Variants in DRC11 observed in about 807,000 individuals in gnomAD.
The protein encoded by DRC11 is IQ and AAA domain-containing protein 1.
the DRC11 span, chr2:236,331,831 C>A: frequency 2.0e-6 from 1 of 499,882 alleles, no homozygotes; most frequent in South Asian, 3.0e-5. This position sits in a 1 kb window ranked among gnomAD's most constrained non-coding sequence, Gnocchi z 4.8. Context: ...CCACAAGTGC[C>A]CTGCAAATTA....
At chr2:236,392,027 A>T in the DRC11 span, 3 of 1,613,836 alleles carry the variant, frequency 1.9e-6, no homozygotes, top group East Asian at 6.7e-5. This position sits in a 1 kb window ranked among gnomAD's most constrained non-coding sequence, Gnocchi z 5.1. Flanking sequence ...CTCTGTCCAC[A>T]GCTAGCTTTA....
At chr2:236,328,185 C>G in the DRC11 span, among the ~76,000 whole-genome samples, 1,721 of 152,130 alleles carry the variant, frequency 0.011, 41 homozygotes, top group African/African-American at 0.04. This position sits in a 1 kb window ranked among gnomAD's most constrained non-coding sequence, Gnocchi z 6.7. Context: ...TTATTATGAA[C>G]TCATCTTTAG....
At chr2:236,366,131 T>G in the DRC11 span, among the ~76,000 whole-genome samples, 4 of 152,146 alleles carry the variant, frequency 2.6e-5, no homozygotes, top group Non-Finnish European at 5.9e-5. Flanking sequence ...CACCCTTCAC[T>G]TCTCCCTGAT....
the DRC11 span, among the ~76,000 whole-genome samples, chr2:236,470,533 TCA>T: frequency 1.3e-5 from 2 of 152,174 alleles, no homozygotes; most frequent in Non-Finnish European, 2.9e-5. The surrounding 1 kb of genome is among the most constrained non-coding windows in gnomAD (Gnocchi z 5.1). Flanking sequence ...ATGGAAGACC[TCA>T]CGCTGCGGAA....
chr2:236,443,645 A>G, the DRC11 span, among the ~76,000 whole-genome samples: 2 of 152,242 alleles, frequency 1.3e-5, no homozygotes, highest in African/African-American at 4.8e-5. The surrounding 1 kb of genome is among the most constrained non-coding windows in gnomAD (Gnocchi z 4.4). Flanking sequence ...AGTTGATTCC[A>G]TGTCTTTGCT....
chr2:236,364,706 C>G, the DRC11 span, among the ~76,000 whole-genome samples: 1 of 152,156 alleles, frequency 6.6e-6, no homozygotes, highest in Non-Finnish European at 1.5e-5. Flanking sequence ...CACAAAGCAA[C>G]TAAAAAGTGA....
At chr2:236,363,990 C>G in the DRC11 span, 1 of 1,609,980 alleles carries the variant, frequency 6.2e-7, no homozygotes, top group South Asian at 1.1e-5. The surrounding 1 kb of genome is among the most constrained non-coding windows in gnomAD (Gnocchi z 5.6). Flanking sequence ...CTAAAAAAGG[C>G]AGAGGCAAAG....
the DRC11 span, among the ~76,000 whole-genome samples, chr2:236,318,418 C>T: frequency 7.9e-5 from 12 of 152,148 alleles, no homozygotes; most frequent in Non-Finnish European, 7.4e-5. The surrounding 1 kb of genome is among the most constrained non-coding windows in gnomAD (Gnocchi z 7.0). Flanking sequence ...CGCATGCCTA[C>T]GTGTGCATGC....
chr2:236,396,557 A>G, the DRC11 span, among the ~76,000 whole-genome samples: 9,546 of 152,214 alleles, frequency 0.063, 448 homozygotes, highest in Middle Eastern at 0.13. Flanking sequence ...GACAGTTTTC[A>G]GAGCTTTTGG....
At chr2:236,358,395 TATC>T in the DRC11 span, among the ~76,000 whole-genome samples, 16 of 140,910 alleles carry the variant, frequency 1.1e-4, no homozygotes, top group Admixed American at 2.9e-4. Context: ...GATATATGAA[TATC>T]ATATATAAAT....
chr2:236,431,392 C>T, the DRC11 span, among the ~76,000 whole-genome samples: 1 of 152,088 alleles, frequency 6.6e-6, no homozygotes, highest in African/African-American at 2.4e-5. This position sits in a 1 kb window ranked among gnomAD's most constrained non-coding sequence, Gnocchi z 4.2. Context: ...GAGAGAAGTG[C>T]CGAGCAAAGG....
At chr2:236,373,870 C>G in the DRC11 span, among the ~76,000 whole-genome samples, 1 of 152,186 alleles carries the variant, frequency 6.6e-6, no homozygotes, top group Non-Finnish European at 1.5e-5. Context: ...TCTGGGCCTT[C>G]TCTATGCTTC....
chr2:236,438,722 T>C, the DRC11 span, among the ~76,000 whole-genome samples: 3 of 152,074 alleles, frequency 2.0e-5, no homozygotes, highest in East Asian at 1.9e-4. Context: ...GCGGACCTAA[T>C]AGACATCTAC....
chr2:236,416,040 C>G, the DRC11 span, among the ~76,000 whole-genome samples: 1 of 151,928 alleles, frequency 6.6e-6, no homozygotes, highest in Non-Finnish European at 1.5e-5. Context: ...AACAATAGGG[C>G]CCTAGGTGGT....
chr2:236,362,599 G>C, the DRC11 span, among the ~76,000 whole-genome samples: 3 of 152,100 alleles, frequency 2.0e-5, no homozygotes, highest in African/African-American at 7.2e-5. The surrounding 1 kb of genome is among the most constrained non-coding windows in gnomAD (Gnocchi z 5.7). Context: ...TCAACAGTAG[G>C]CTATTGGTAA....
At chr2:236,400,362 C>T in the DRC11 span, among the ~76,000 whole-genome samples, 974 of 152,204 alleles carry the variant, frequency 6.4e-3, 12 homozygotes, top group African/African-American at 0.022. The surrounding 1 kb of genome is among the most constrained non-coding windows in gnomAD (Gnocchi z 7.9). Flanking sequence ...TGGGAGATTG[C>T]GGTGCTACCC....
the DRC11 span, among the ~76,000 whole-genome samples, chr2:236,372,986 TTTTC>T: frequency 6.6e-6 from 1 of 152,196 alleles, no homozygotes; most frequent in Admixed American, 6.5e-5. The surrounding 1 kb of genome is among the most constrained non-coding windows in gnomAD (Gnocchi z 4.5). Flanking sequence ...GTATGTTGGA[TTTTC>T]TTTGTCTGTC....
the DRC11 span, among the ~76,000 whole-genome samples, chr2:236,406,381 T>C: frequency 6.6e-6 from 1 of 152,216 alleles, no homozygotes; most frequent in Non-Finnish European, 1.5e-5. This position sits in a 1 kb window ranked among gnomAD's most constrained non-coding sequence, Gnocchi z 4.7. Context: ...AAGTAGGCTG[T>C]TGAGGGATGG....
the DRC11 span, among the ~76,000 whole-genome samples, chr2:236,387,421 CTTCT>C: frequency 4.0e-5 from 6 of 150,540 alleles, no homozygotes; most frequent in South Asian, 2.1e-4. Flanking sequence ...ATGTAATGGC[CTTCT>C]TTGTCTCTTT....
Sources: gnomAD v4.1 joint callset for allele counts (sites outside exome capture counted in the v4.1 genomes callset) on GRCh38, gnomAD v4.1.1 for gene constraint, Gnocchi (gnomAD v3.1) non-coding constraint, MANE v1.5 for transcripts, NCBI Gene and HGNC (gene_info 2026-07-23, HGNC 2026-07-21) for gene names.